The following AKAIN1 variants were observed in gnomAD, a reference collection of about 807,000 sequenced individuals.
The protein encoded by AKAIN1 is A-kinase anchor protein inhibitor 1.
AKAIN1 carries 3 observed loss-of-function variants against 3.7 expected under a neutral mutation model. That is an observed-to-expected ratio of 0.82 (90% confidence interval 0.37 to 2.12). The LOEUF is 2.12. AKAIN1 is among the 30% of genes most tolerant of loss of function. AKAIN1 has a pLI of 0.06. For synonymous variants in AKAIN1, 31 were observed against 30.8 expected (o/e 1.01, Z -0.02); for missense variants, 82 against 82.7 (o/e 0.99, Z 0.03).
chr18:5,182,304 C>T lies in AKAIN1; in HGVS notation c.16+14734G>A, dbSNP rs571914120. ...ATCCAATGTTGAGATCATCCACATG[C>T]AAATGTATATAAGATGCACATTATT... On this transcript the variant is annotated intron_variant, in intron 1 of 1. Transcript: ENST00000434239. 3.3e-5 allele frequency among the ~76,000 whole-genome samples: 5 copies of T among 152,234 alleles called. No homozygotes were observed. In the South Asian group the frequency reaches 1.0e-3, roughly 32 times the overall value.
rs2071046511 is a variant in AKAIN1, at chr18:5,145,864, AC to A, written c.17-110del. 3 of 902,596 alleles carry A rather than the reference AC, an allele frequency of 3.3e-6. No individual in the cohort carries two copies. The African/African-American group carries it at 5.0e-5, about 15-fold the overall frequency. The allele number at this position is 902,596 out of a possible 1,614,324, so 55.9% of individuals were successfully genotyped here. On this transcript the variant is annotated intron_variant, in intron 1 of 1. Coordinates refer to ENST00000434239, the MANE Select transcript of AKAIN1 (RefSeq NM_001145194.2). ...GAGGGAAGAGTGAGACTGTAAGAACACACTGGAGTGGACCAGTTAACTATGA... is the reference window on the plus strand; with the variant it reads ...GAGGGAAGAGTGAGACTGTAAGAACAACTGGAGTGGACCAGTTAACTATGA...
At chr18:5,170,019 T>A (rs1297008042) in intron 1 of AKAIN1, among the ~76,000 whole-genome samples, 2 of 152,160 alleles carry the variant, frequency 1.3e-5, no homozygotes, top group African/African-American at 4.8e-5. Flanking sequence ...AAGACTGGCA[T>A]GCCTTCTGTA....
intron 1 of AKAIN1, among the ~76,000 whole-genome samples, chr18:5,175,103 C>G (rs1485586872): frequency 6.6e-6 from 1 of 152,144 alleles, no homozygotes. Context: ...ATGATCTTAT[C>G]TTCATAAGAC....
intron 1 of AKAIN1, among the ~76,000 whole-genome samples, chr18:5,151,368 C>T (rs1050785233): frequency 1.3e-5 from 2 of 151,714 alleles, no homozygotes; most frequent in Non-Finnish European, 2.9e-5. Context: ...AAATCTCACT[C>T]ATCTACACCA....
chr18:5,145,181 G>C lies in AKAIN1; in HGVS notation c.*381C>G, dbSNP rs1345345713. 5 of 177,918 alleles carry C rather than the reference G, an allele frequency of 2.8e-5. No individual in the cohort carries two copies. Among genetic ancestry groups the C allele is most frequent in the Non-Finnish European group, 6.0e-5 (5 of 83,016 alleles). The allele number at this position is 177,918 out of a possible 1,614,324, so 11.0% of individuals were successfully genotyped here. A position where few individuals can be genotyped will look rare whatever the true frequency, so the allele number is the denominator to read the frequency against. ...AATATACCATAAAGAACTCAGTACT[G>C]TATTCAGTATTTCAGCAAAAAGGCT... On this transcript the variant is annotated 3_prime_UTR_variant, in exon 2 of 2. Transcript: ENST00000434239.
chr18:5,181,463 C>T (rs1427296803), intron 1 of AKAIN1, among the ~76,000 whole-genome samples: 3 of 152,110 alleles, frequency 2.0e-5, no homozygotes, highest in African/African-American at 2.4e-5. Flanking sequence ...TATATAAAGT[C>T]GTTCCTTGCT....
At chr18:5,177,544 T>A (rs2071233409) in intron 1 of AKAIN1, among the ~76,000 whole-genome samples, 1 of 152,106 alleles carries the variant, frequency 6.6e-6, no homozygotes, top group South Asian at 2.1e-4. Context: ...TTACCTTTTA[T>A]AGAAGTTTGA....
chr18:5,145,495 G>T lies in AKAIN1; in HGVS notation c.*67C>A. On this transcript the variant is annotated 3_prime_UTR_variant, in exon 2 of 2. Coordinates refer to ENST00000434239, the MANE Select transcript of AKAIN1 (RefSeq NM_001145194.2). The stretch of plus-strand genomic sequence containing the variant: ...CGGTTTGCTTTACTGGCAACATTTT[G>T]GAGATGCGTCCTATACTAAGAGGAA... The T allele has an allele frequency of 2.3e-6, 3 of 1,330,162 alleles. No homozygotes were observed. Among genetic ancestry groups the T allele is most frequent in the Non-Finnish European group, 3.1e-6 (3 of 967,868 alleles). 82.4% of individuals were successfully genotyped at this position (1,330,162 alleles called of 1,614,324 possible).
At chr18:5,162,788 G>A (rs1364637001) in intron 1 of AKAIN1, among the ~76,000 whole-genome samples, 1 of 151,822 alleles carries the variant, frequency 6.6e-6, no homozygotes, top group East Asian at 1.9e-4. Flanking sequence ...CTCAGCCCTG[G>A]GATAGGCATT....
intron 1 of AKAIN1, among the ~76,000 whole-genome samples, chr18:5,162,569 A>G (rs1016658641): frequency 3.3e-5 from 5 of 151,972 alleles, no homozygotes; most frequent in Non-Finnish European, 5.9e-5. Flanking sequence ...TAGGATGAAT[A>G]TAAGGATAAA....
At chr18:5,191,715 C>T (rs1489774982) in intron 1 of AKAIN1, among the ~76,000 whole-genome samples, 2 of 151,862 alleles carry the variant, frequency 1.3e-5, no homozygotes, top group African/African-American at 2.4e-5. Flanking sequence ...AGGACTTACA[C>T]TATTTGGTTT....
chr18:5,177,935 G>C (rs1256267943), intron 1 of AKAIN1, among the ~76,000 whole-genome samples: 1 of 152,052 alleles, frequency 6.6e-6, no homozygotes, highest in East Asian at 1.9e-4. Context: ...ACTGCCTGAG[G>C]AATTCCTGAG....
chr18:5,159,340 A>T (rs1323698029), intron 1 of AKAIN1: 1 of 152,082 alleles, frequency 6.6e-6, no homozygotes, highest in Non-Finnish European at 1.5e-5. Context: ...ACATTCAAAA[A>T]CTCCAAGTCA....
At chr18:5,151,437 T>G (rs1311315389) in intron 1 of AKAIN1, among the ~76,000 whole-genome samples, 2 of 152,190 alleles carry the variant, frequency 1.3e-5, no homozygotes, top group Non-Finnish European at 2.9e-5. Context: ...TAAAGTTACA[T>G]GAGTTCCCAG....
chr18:5,176,202 G>A (rs949238391), intron 1 of AKAIN1, among the ~76,000 whole-genome samples: 1 of 152,094 alleles, frequency 6.6e-6, no homozygotes, highest in African/African-American at 2.4e-5. Context: ...ACTTCAGGAG[G>A]CCGAGGCAAG....
At chr18:5,153,106 C>T (rs1327850584) in intron 1 of AKAIN1, among the ~76,000 whole-genome samples, 3 of 152,190 alleles carry the variant, frequency 2.0e-5, no homozygotes, top group Non-Finnish European at 4.4e-5. Flanking sequence ...GCAGGGCAGA[C>T]AAGCGGCTGG....
intron 1 of AKAIN1, among the ~76,000 whole-genome samples, chr18:5,156,404 C>T (rs1267240353): frequency 2.0e-5 from 3 of 152,298 alleles, no homozygotes; most frequent in Admixed American, 6.5e-5. Flanking sequence ...ACTAAATAAT[C>T]TCTCAAAAGT....
intron 1 of AKAIN1, among the ~76,000 whole-genome samples, chr18:5,179,361 CACAAAAG>C (rs1184571462): frequency 6.6e-6 from 1 of 151,856 alleles, no homozygotes. Flanking sequence ...GTCATGTTGC[CACAAAAG>C]ACATGATTTC....
intron 1 of AKAIN1, among the ~76,000 whole-genome samples, chr18:5,187,902 A>G (rs1466074922): frequency 6.6e-6 from 1 of 152,190 alleles, no homozygotes; most frequent in Non-Finnish European, 1.5e-5. Flanking sequence ...ATTTACCTTG[A>G]GGCAAATTCC....
Sources: gnomAD v4.1 joint callset for allele counts (sites outside exome capture counted in the v4.1 genomes callset) on GRCh38, gnomAD v4.1.1 for gene constraint, MANE v1.5 for transcripts, NCBI Gene and HGNC (gene_info 2026-07-23, HGNC 2026-07-21) for gene names.